CSMD1: variants seen among roughly 807,000 people sequenced by gnomAD.
CSMD1 encodes CUB and sushi domain-containing protein 1.
A neutral mutation model predicts 417.5 loss-of-function variants in CSMD1; 213 were observed. That is an observed-to-expected ratio of 0.51 (90% CI 0.46 to 0.57). The LOEUF (loss-of-function observed/expected upper bound fraction) is 0.57. CSMD1 is among the 20% of genes least tolerant of loss of function. The pLI is 0.00. For synonymous variants in CSMD1, 2,862 were observed against 1,736.8 expected, an observed-to-expected ratio of 1.65 and a Z score of -16.11; for missense variants, 6,923 against 4,529.7, an observed-to-expected ratio of 1.53 and a Z score of -15.17.
intron 3 of CSMD1, among the ~76,000 whole-genome samples, chr8:4,177,641 G>C (rs7387577): frequency 0.98 from 137,803 of 141,002 alleles, 67,431 homozygotes; most frequent in East Asian, 1. Context: ...GAATCCAGGA[G>C]CTGCTTTTTT....
chr8:3,480,341 G>C (rs1046857563), intron 11 of CSMD1, among the ~76,000 whole-genome samples: 1 of 152,106 alleles, frequency 6.6e-6, no homozygotes, highest in Admixed American at 6.6e-5. Context: ...CAGCCCCCTG[G>C]AGCAATGGAG....
intron 11 of CSMD1, among the ~76,000 whole-genome samples, chr8:3,478,512 G>T (rs1365435195): frequency 6.6e-6 from 1 of 152,148 alleles, no homozygotes; most frequent in African/African-American, 2.4e-5. Context: ...CTGCTAAAAT[G>T]TGATAGGAGA....
At chr8:4,841,183 A>G (rs569115882) in intron 1 of CSMD1, among the ~76,000 whole-genome samples, 145 of 152,384 alleles carry the variant, frequency 9.5e-4, no homozygotes, top group African/African-American at 3.5e-3. Context: ...CTCTCCTTGC[A>G]AAAGCAAATA....
chr8:3,104,813 T>C (rs545044818), intron 46 of CSMD1, among the ~76,000 whole-genome samples: 1 of 151,284 alleles, frequency 6.6e-6, no homozygotes, highest in African/African-American at 2.4e-5. Context: ...GTTCAAGCAA[T>C]TCTCCTGACT....
intron 10 of CSMD1, among the ~76,000 whole-genome samples, chr8:3,549,345 C>G (rs770836129): frequency 1.6e-4 from 24 of 152,218 alleles, no homozygotes; most frequent in Admixed American, 3.9e-4. Flanking sequence ...AGCTTCTGTT[C>G]TAGGCCAAGT....
intron 6 of CSMD1, among the ~76,000 whole-genome samples, chr8:3,727,726 C>G (rs868656400): frequency 6.6e-5 from 10 of 152,266 alleles, no homozygotes; most frequent in Middle Eastern, 3.4e-3. Context: ...TGTCCATAAA[C>G]ACATGAATGG....
At chr8:3,845,019 A>T (rs931568415) in intron 5 of CSMD1, among the ~76,000 whole-genome samples, 2 of 152,204 alleles carry the variant, frequency 1.3e-5, no homozygotes, top group Admixed American at 6.5e-5. Flanking sequence ...AAGGTTATTG[A>T]TGTATAATTT....
chr8:3,691,241 A>G (rs1199563551), intron 7 of CSMD1, among the ~76,000 whole-genome samples: 1 of 151,910 alleles, frequency 6.6e-6, no homozygotes, highest in East Asian at 1.9e-4. Flanking sequence ...GGTAACAGGC[A>G]CCTGTAATCC....
intron 1 of CSMD1, among the ~76,000 whole-genome samples, chr8:4,993,970 C>G (rs1171327205): frequency 6.6e-6 from 1 of 152,164 alleles, no homozygotes; most frequent in Non-Finnish European, 1.5e-5. Context: ...CTCAGCCACC[C>G]CGACCCGTGG....
intron 1 of CSMD1, among the ~76,000 whole-genome samples, chr8:4,988,536 T>C (rs1171180854): frequency 1.3e-5 from 2 of 152,246 alleles, no homozygotes; most frequent in African/African-American, 2.4e-5. Context: ...AAAGTGACAC[T>C]GACTCTAACT....
chr8:3,168,904 A>C (rs1820405524), intron 37 of CSMD1, among the ~76,000 whole-genome samples: 1 of 149,330 alleles, frequency 6.7e-6, no homozygotes, highest in Admixed American at 6.7e-5. Flanking sequence ...AAATACCTTT[A>C]GGGGAAGTAA....
chr8:3,242,986 C>G (rs950145270), intron 26 of CSMD1, among the ~76,000 whole-genome samples: 3 of 152,050 alleles, frequency 2.0e-5, no homozygotes, highest in African/African-American at 4.8e-5. Context: ...GGCTGCCTTC[C>G]GTAGTCCGTG....
At chr8:4,831,047 T>C (rs572189438) in intron 1 of CSMD1, among the ~76,000 whole-genome samples, 4 of 152,312 alleles carry the variant, frequency 2.6e-5, no homozygotes, top group East Asian at 1.9e-4. Context: ...ATCTACCCTT[T>C]ACTTCAACTC....
chr8:3,514,985 C>A (rs969929236), intron 10 of CSMD1, among the ~76,000 whole-genome samples: 3 of 152,204 alleles, frequency 2.0e-5, no homozygotes, highest in East Asian at 1.9e-4. Context: ...CTTTTAAAAA[C>A]AACATTTTAT....
chr8:3,113,590 C>T (rs1816669367), intron 42 of CSMD1, among the ~76,000 whole-genome samples: 1 of 152,236 alleles, frequency 6.6e-6, no homozygotes, highest in Non-Finnish European at 1.5e-5. Context: ...ACCCTGGCGC[C>T]ACTGGCTTCC....
intron 37 of CSMD1, among the ~76,000 whole-genome samples, chr8:3,167,593 T>A (rs946109816): frequency 2.0e-5 from 3 of 152,354 alleles, no homozygotes; most frequent in Admixed American, 2.0e-4. Context: ...AATTTGGACA[T>A]TTACAAAGAT....
intron 6 of CSMD1, among the ~76,000 whole-genome samples, chr8:3,717,626 A>G (rs1335189418): frequency 6.6e-6 from 1 of 152,272 alleles, no homozygotes; most frequent in East Asian, 1.9e-4. Flanking sequence ...ACAGACAACC[A>G]CTGTTAGAAC....
intron 3 of CSMD1, among the ~76,000 whole-genome samples, chr8:4,358,395 G>T (rs4875095): frequency 6.6e-6 from 1 of 152,020 alleles, no homozygotes; most frequent in Non-Finnish European, 1.5e-5. Flanking sequence ...GAAGGGGACT[G>T]TTTCGTGACA....
At chr8:3,709,676 G>C (rs2129040382) in intron 6 of CSMD1, among the ~76,000 whole-genome samples, 3 of 36,942 alleles carry the variant, frequency 8.1e-5, no homozygotes, top group South Asian at 2.2e-3. Context: ...AATTGCAGCA[G>C]CATGTTTTTT....
Sources: gnomAD v4.1 joint callset for allele counts (sites outside exome capture counted in the v4.1 genomes callset) on GRCh38, gnomAD v4.1.1 for gene constraint, MANE v1.5 for transcripts, NCBI Gene and HGNC (gene_info 2026-07-23, HGNC 2026-07-21) for gene names.